STXBP4: variants seen among roughly 807,000 people sequenced by gnomAD.
STXBP4 encodes syntaxin-binding protein 4.
In STXBP4, 55 loss-of-function variants were observed where a neutral mutation model predicts 76.1. The observed-to-expected ratio is 0.72, with a 90% CI of 0.58 to 0.91. The LOEUF is 0.91. Ranked by LOEUF, STXBP4 falls within the 40% of genes least tolerant of loss-of-function variation. The probability of loss-of-function intolerance (pLI) is 0.00; values close to 1 mark genes in which losing one functional copy is unlikely to be tolerated. For missense variants in STXBP4, 618 were observed against 636.9 expected (o/e 0.97, Z 0.32); for synonymous variants, 201 against 220.2 (o/e 0.91, Z 0.77).
At chr17:55,182,739 T>A in the STXBP4 span, among the ~76,000 whole-genome samples, 1 of 151,588 alleles carries the variant, frequency 6.6e-6, no homozygotes, top group African/African-American at 2.4e-5. Flanking sequence ...ACTTACCATG[T>A]CAACAGAAAT....
chr17:55,200,332 T>G, the STXBP4 span, among the ~76,000 whole-genome samples: 2 of 152,220 alleles, frequency 1.3e-5, no homozygotes, highest in Non-Finnish European at 2.9e-5. Context: ...CATTCTCTTC[T>G]CAGTCACAGC....
intron 16 of STXBP4, among the ~76,000 whole-genome samples, chr17:55,083,570 GC>G (rs1383042403): frequency 6.6e-6 from 1 of 152,038 alleles, no homozygotes; most frequent in Admixed American, 6.6e-5. Flanking sequence ...TTGGTTAATT[GC>G]GCTCAGCTAG....
At chr17:55,072,534 T>A (rs1235829499) in intron 12 of STXBP4, among the ~76,000 whole-genome samples, 2 of 152,208 alleles carry the variant, frequency 1.3e-5, no homozygotes, top group Non-Finnish European at 2.9e-5. Context: ...AAGAGCCTTT[T>A]TAGAACATGA....
At chr17:55,212,300 C>A in the STXBP4 span, among the ~76,000 whole-genome samples, 2 of 151,666 alleles carry the variant, frequency 1.3e-5, no homozygotes, top group East Asian at 1.9e-4. Context: ...CTCTTTCCAG[C>A]GTGACACAAA....
At chr17:55,103,000 T>A (rs1335254530) in intron 16 of STXBP4, among the ~76,000 whole-genome samples, 1 of 152,212 alleles carries the variant, frequency 6.6e-6, no homozygotes, top group Admixed American at 6.5e-5. Context: ...TAAATTTGTT[T>A]AAGTTCTTTG....
intron 1 of STXBP4, among the ~76,000 whole-genome samples, chr17:54,973,977 A>G (rs2077434963): frequency 6.6e-6 from 1 of 152,224 alleles, no homozygotes; most frequent in Admixed American, 6.5e-5. Flanking sequence ...CCATTTTGAT[A>G]TTCACATAAT....
chr17:55,050,760 C>T (rs1036484028), intron 12 of STXBP4, among the ~76,000 whole-genome samples: 5 of 152,130 alleles, frequency 3.3e-5, no homozygotes, highest in African/African-American at 7.2e-5. Context: ...CTCCACCTCC[C>T]GGGTACAAGC....
intron 16 of STXBP4, among the ~76,000 whole-genome samples, chr17:55,133,899 ATTTTTGTAAGG>A (rs959335063): frequency 1.6e-4 from 25 of 152,344 alleles, no homozygotes; most frequent in Admixed American, 7.8e-4. Context: ...AGACAAATCC[ATTTTTGTAAGG>A]TTTTTGTAAG....
chr17:55,186,213 A>AT, the STXBP4 span, among the ~76,000 whole-genome samples: 2 of 152,018 alleles, frequency 1.3e-5, no homozygotes, highest in East Asian at 1.9e-4. Context: ...GATAAATGCA[A>AT]TTTTTTTTGA....
At chr17:55,029,906 T>G (rs1206979179) in intron 8 of STXBP4, among the ~76,000 whole-genome samples, 1 of 152,152 alleles carries the variant, frequency 6.6e-6, no homozygotes, top group East Asian at 1.9e-4. Context: ...AATAAATTAT[T>G]TGATGAATGA....
At chr17:55,209,290 T>C in the STXBP4 span, among the ~76,000 whole-genome samples, 3 of 152,188 alleles carry the variant, frequency 2.0e-5, no homozygotes, top group African/African-American at 7.2e-5. Flanking sequence ...TTTCTAACAA[T>C]TCATCTGGGG....
intron 9 of STXBP4, among the ~76,000 whole-genome samples, chr17:55,031,565 C>G (rs1210139916): frequency 6.6e-6 from 1 of 151,954 alleles, no homozygotes; most frequent in Non-Finnish European, 1.5e-5. Context: ...AGAAACAGTA[C>G]AAAATATGGA....
the STXBP4 span, among the ~76,000 whole-genome samples, chr17:55,195,023 C>G: frequency 2.6e-5 from 4 of 152,240 alleles, no homozygotes; most frequent in East Asian, 1.9e-4. Flanking sequence ...TCAATCTGGA[C>G]CAAGCAAGGG....
chr17:55,134,153 C>G (rs2080001864), intron 16 of STXBP4, among the ~76,000 whole-genome samples: 1 of 151,656 alleles, frequency 6.6e-6, no homozygotes, highest in South Asian at 2.1e-4. Context: ...GAGGTATGAC[C>G]ACAGAGAAAA....
At chr17:55,145,362 G>A (rs1345976108) in intron 17 of STXBP4, among the ~76,000 whole-genome samples, 1 of 152,116 alleles carries the variant, frequency 6.6e-6, no homozygotes, top group Non-Finnish European at 1.5e-5. Context: ...CTTAAGAATA[G>A]TGACTGAAAT....
intron 16 of STXBP4, among the ~76,000 whole-genome samples, chr17:55,110,951 C>T (rs945371736): frequency 6.6e-6 from 1 of 152,158 alleles, no homozygotes; most frequent in African/African-American, 2.4e-5. Flanking sequence ...AATGAGTAGA[C>T]TCATAACTGT....
chr17:54,973,501 C>T (rs994291645), intron 1 of STXBP4, among the ~76,000 whole-genome samples: 5 of 152,004 alleles, frequency 3.3e-5, no homozygotes, highest in Admixed American at 1.3e-4. Context: ...GGTCAGAGAC[C>T]GAGGTTATAA....
chr17:55,159,691 A>G, intron 17 of STXBP4, 106 bp from the exon 18 acceptor site: 1 of 647,328 alleles, frequency 1.5e-6, no homozygotes, highest in East Asian at 2.9e-5. Context: ...GCTTCCTATC[A>G]CAGGGACTTT....
chr17:55,200,005 A>G, the STXBP4 span, among the ~76,000 whole-genome samples: 1 of 152,224 alleles, frequency 6.6e-6, no homozygotes, highest in East Asian at 1.9e-4. Flanking sequence ...GGTCATATCT[A>G]TCTAGCCCCA....
Sources: gnomAD v4.1 joint callset for allele counts (sites outside exome capture counted in the v4.1 genomes callset) on GRCh38, gnomAD v4.1.1 for gene constraint, MANE v1.5 for transcripts, NCBI Gene and HGNC (gene_info 2026-07-23, HGNC 2026-07-21) for gene names.